KCNH7: variants seen among roughly 807,000 people sequenced by gnomAD.
The protein encoded by KCNH7 is potassium voltage-gated channel subfamily H member 7, also known as voltage-gated inwardly rectifying potassium channel KCNH7.
In KCNH7, 49 loss-of-function variants were observed where a neutral mutation model predicts 120.8. The ratio of observed to expected loss-of-function variants is 0.41; its 90% CI spans 0.32 to 0.51. KCNH7 has a LOEUF of 0.51. KCNH7 is among the 20% of genes least tolerant of loss of function. The pLI is 0.38. For missense variants in KCNH7, 1,097 were observed against 1,446.6 expected (o/e 0.76, Z 3.92); for synonymous variants, 547 against 516.1 (o/e 1.06, Z -0.81).
intron 14 of KCNH7, among the ~76,000 whole-genome samples, chr2:162,374,543 G>A (rs1054836555): frequency 1.7e-4 from 26 of 151,932 alleles, no homozygotes; most frequent in African/African-American, 5.1e-4. Flanking sequence ...ACTTATTTGC[G>A]CTGACTGTTT....
intron 6 of KCNH7, among the ~76,000 whole-genome samples, chr2:162,458,218 G>T (rs1001519545): frequency 5.9e-5 from 9 of 151,502 alleles, no homozygotes; most frequent in Non-Finnish European, 1.0e-4. Context: ...TTGTATATTA[G>T]CTATATATGC....
At chr2:162,537,125 T>C (rs761062708) in intron 2 of KCNH7, 45 bp from the exon 3 acceptor site, 126 of 1,472,600 alleles carry the variant, frequency 8.6e-5, no homozygotes, top group Non-Finnish European at 1.2e-4. Flanking sequence ...ATGCCTTCAT[T>C]CTGAACTATC....
Position 162,756,701 on chromosome 2 carries a change from C to T in KCNH7, c.307+79836G>A, listed in dbSNP as rs534062623. On this transcript the variant is annotated intron_variant, in intron 2 of 15. Coordinates refer to ENST00000332142, the MANE Select transcript of KCNH7 (RefSeq NM_033272.4). ...TAGTCTAAAGCTCCTGGGCTCAAGTCGTCCTCTTGCGTTGGCCTCCCAAAG... is the reference window on the plus strand; with the variant it reads ...TAGTCTAAAGCTCCTGGGCTCAAGTTGTCCTCTTGCGTTGGCCTCCCAAAG... Among the ~76,000 whole-genome samples, 3 of 152,144 alleles carry T rather than the reference C, an allele frequency of 2.0e-5. No individual in the cohort carries two copies. The East Asian group carries it at 5.8e-4, about 29-fold the overall frequency.
At chr2:162,536,876 C>T (rs753155799) in intron 3 of KCNH7, 49 bp downstream of exon 3, 1 of 1,497,604 alleles carries the variant, frequency 6.7e-7, no homozygotes, top group South Asian at 1.2e-5. Flanking sequence ...AAAGTGACTA[C>T]AGTAGCAGAA....
At chr2:162,739,678 T>C (rs572593584) in intron 2 of KCNH7, among the ~76,000 whole-genome samples, 2 of 152,250 alleles carry the variant, frequency 1.3e-5, no homozygotes, top group Admixed American at 6.5e-5. Flanking sequence ...GACCTGATCA[T>C]TGGGAGGGTC....
chr2:162,689,019 G>A (rs1686002728), intron 2 of KCNH7, among the ~76,000 whole-genome samples: 1 of 151,866 alleles, frequency 6.6e-6, no homozygotes, highest in African/African-American at 2.4e-5. Context: ...AGGCAATAAT[G>A]TTCCCCAATT....
intron 2 of KCNH7, among the ~76,000 whole-genome samples, chr2:162,544,741 C>A (rs899930198): frequency 9.9e-5 from 15 of 152,074 alleles, no homozygotes; most frequent in African/African-American, 3.6e-4. Flanking sequence ...AGGCATAATT[C>A]CCTTCTCCTG....
At chr2:162,786,637 A>C (rs1321767543) in intron 2 of KCNH7, among the ~76,000 whole-genome samples, 1 of 152,212 alleles carries the variant, frequency 6.6e-6, no homozygotes, top group Non-Finnish European at 1.5e-5. Flanking sequence ...TTATGTCTTC[A>C]ATTAAAAAAA....
intron 2 of KCNH7, among the ~76,000 whole-genome samples, chr2:162,786,594 G>C (rs943501494): frequency 3.3e-5 from 5 of 152,108 alleles, no homozygotes; most frequent in Non-Finnish European, 5.9e-5. Context: ...GTTTCAAAAA[G>C]TTTCAATGTA....
chr2:162,785,338 T>C (rs1161164931), intron 2 of KCNH7, among the ~76,000 whole-genome samples: 2 of 152,226 alleles, frequency 1.3e-5, no homozygotes. Context: ...GCAATATCTG[T>C]CCTTAAGATT....
At chr2:162,476,813 C>G (rs1434301414) in intron 6 of KCNH7, among the ~76,000 whole-genome samples, 2 of 152,120 alleles carry the variant, frequency 1.3e-5, no homozygotes, top group Admixed American at 6.5e-5. Flanking sequence ...GCTTCAAAAA[C>G]TAAGATTCTA....
intron 2 of KCNH7, among the ~76,000 whole-genome samples, chr2:162,645,778 C>G (rs890902169): frequency 1.3e-5 from 2 of 152,166 alleles, no homozygotes; most frequent in African/African-American, 4.8e-5. Flanking sequence ...CTCCAGCTCT[C>G]TGTCCTCTTT....
intron 2 of KCNH7, among the ~76,000 whole-genome samples, chr2:162,816,318 A>G (rs897446732): frequency 1.3e-5 from 2 of 151,412 alleles, no homozygotes; most frequent in African/African-American, 4.8e-5. Flanking sequence ...TTACATTCCT[A>G]TCATTTCAGT....
At chr2:162,639,878 A>G (rs1414360066) in intron 2 of KCNH7, among the ~76,000 whole-genome samples, 6 of 152,130 alleles carry the variant, frequency 3.9e-5, no homozygotes, top group African/African-American at 1.4e-4. Flanking sequence ...CAGTAAGGGC[A>G]CAGGAGACAT....
chr2:162,421,783 T>G (rs1205558314), intron 9 of KCNH7, among the ~76,000 whole-genome samples: 1 of 152,082 alleles, frequency 6.6e-6, no homozygotes, highest in East Asian at 1.9e-4. Flanking sequence ...AAAATAGACT[T>G]TATCACAAAA....
intron 2 of KCNH7, among the ~76,000 whole-genome samples, chr2:162,710,953 A>G (rs1404688163): frequency 6.6e-6 from 1 of 152,152 alleles, no homozygotes. Context: ...TTTGCTTTGG[A>G]TTCATATCAT....
intron 12 of KCNH7, among the ~76,000 whole-genome samples, chr2:162,391,657 T>C (rs1686748920): frequency 1.3e-5 from 2 of 152,056 alleles, no homozygotes; most frequent in South Asian, 2.1e-4. Flanking sequence ...ATGAGCACAG[T>C]ACAAATTGTG....
chr2:162,466,066 G>A (rs1396048762), intron 6 of KCNH7, among the ~76,000 whole-genome samples: 2 of 152,112 alleles, frequency 1.3e-5, no homozygotes, highest in Non-Finnish European at 2.9e-5. Flanking sequence ...ACTATAAACA[G>A]TGTCAGGGTG....
At chr2:162,684,780 G>A (rs1685828552) in intron 2 of KCNH7, among the ~76,000 whole-genome samples, 3 of 152,116 alleles carry the variant, frequency 2.0e-5, no homozygotes, top group African/African-American at 7.2e-5. Flanking sequence ...CATTGTGGAA[G>A]ACAGTGGGGT....
Sources: gnomAD v4.1 joint callset for allele counts (sites outside exome capture counted in the v4.1 genomes callset) on GRCh38, gnomAD v4.1.1 for gene constraint, MANE v1.5 for transcripts, NCBI Gene and HGNC (gene_info 2026-07-23, HGNC 2026-07-21) for gene names.